Variants in TEX14 observed in about 807,000 individuals in gnomAD.
TEX14 encodes inactive serine/threonine-protein kinase TEX14.
Under a neutral mutation model 178.6 loss-of-function variants are expected in TEX14, and 168 were observed. That is an observed-to-expected ratio of 0.94 (90% CI 0.83 to 1.07). The LOEUF is 1.07. Among genes scored for constraint, TEX14 ranks in the 50% least tolerant of loss-of-function variants. The pLI, the probability that TEX14 is intolerant of heterozygous loss-of-function variation, is 0.00. For missense variants in TEX14, 1,730 were observed against 1,753.6 expected (o/e 0.99, Z 0.24); for synonymous variants, 626 against 634.1 (o/e 0.99, Z 0.19).
At chr17:58,576,942 G>A (rs1052941176) in intron 21 of TEX14, among the ~76,000 whole-genome samples, 2 of 152,180 alleles carry the variant, frequency 1.3e-5, no homozygotes, top group African/African-American at 2.4e-5. Context: ...AAGGACATCC[G>A]GGTTTCCAGT....
chr17:58,671,601 A>C (rs1409340840), intron 1 of TEX14, among the ~76,000 whole-genome samples: 1 of 152,138 alleles, frequency 6.6e-6, no homozygotes, highest in South Asian at 2.1e-4. Flanking sequence ...ATTAAAAGCC[A>C]GCCCCAGAGC....
intron 5 of TEX14, among the ~76,000 whole-genome samples, chr17:58,620,545 G>A (rs2045974408): frequency 6.6e-6 from 1 of 151,992 alleles, no homozygotes. Context: ...CCAGGCTGGA[G>A]TGCAGTGGTG....
chr17:58,586,083 C>T lies in TEX14; in HGVS notation c.2789-1G>A. The T allele has an allele frequency of 1.2e-6, 2 of 1,611,796 alleles. No individual in the cohort carries two copies. Among genetic ancestry groups the T allele is most frequent in the Non-Finnish European group, 1.7e-6 (2 of 1,178,376 alleles). ...TTCTTTGCCATTTCTTTCACCTCCA[C>T]TGTGCATAAGAGAAAGCAGCATTTA... On this transcript the variant is annotated splice_acceptor_variant, in intron 17 of 31. Coordinates refer to ENST00000349033, the MANE Select transcript of TEX14 (RefSeq NM_031272.5). LOFTEE classifies it high-confidence loss of function.
intron 3 of TEX14, among the ~76,000 whole-genome samples, chr17:58,627,913 C>CT (rs1172697593): frequency 0.48 from 36,016 of 75,792 alleles, 7,961 homozygotes; most frequent in Non-Finnish European, 0.52. Flanking sequence ...CCCATGCCAC[C>CT]TTTTTTTTTT....
chr17:58,631,855 T>G (rs2046324268), intron 2 of TEX14: 2 of 152,352 alleles, frequency 1.3e-5, no homozygotes, highest in Middle Eastern at 3.4e-3. Flanking sequence ...TTTATGTGCC[T>G]TCCACATGCG....
At chr17:58,601,532 A>G (rs1222316252) in intron 13 of TEX14, among the ~76,000 whole-genome samples, 1 of 151,608 alleles carries the variant, frequency 6.6e-6, no homozygotes, top group Non-Finnish European at 1.5e-5. Context: ...AAAAAAAAAA[A>G]AAAAGAAAAA....
chr17:58,654,532 A>C (rs1301954727), intron 1 of TEX14, among the ~76,000 whole-genome samples: 2 of 143,714 alleles, frequency 1.4e-5, no homozygotes, highest in African/African-American at 5.1e-5. Context: ...TTGGAGACAG[A>C]GTCTTGCTTT....
chr17:58,649,278 C>T (rs2046790221), intron 2 of TEX14, among the ~76,000 whole-genome samples: 1 of 151,524 alleles, frequency 6.6e-6, no homozygotes, highest in Admixed American at 6.6e-5. Flanking sequence ...CTGGGTTTCA[C>T]CATGTTGGCC....
chr17:58,635,841 G>A (rs2046423487), intron 2 of TEX14, among the ~76,000 whole-genome samples: 1 of 152,002 alleles, frequency 6.6e-6, no homozygotes, highest in Non-Finnish European at 1.5e-5. Flanking sequence ...CCTCCAGCGG[G>A]TTCAAGCGAT....
chr17:58,558,148 T>C (rs2044188850), intron 30 of TEX14, among the ~76,000 whole-genome samples: 2 of 152,224 alleles, frequency 1.3e-5, no homozygotes, highest in African/African-American at 4.8e-5. Context: ...TTCTGGGCCC[T>C]GTGCAGTCAG....
Position 58,660,568 on chromosome 17 carries a change from G to A in TEX14, c.-1-8566C>T, listed in dbSNP as rs369277792. The A allele has an allele frequency of 1.3e-4, 99 of 787,270 alleles. 1 individual carries two copies. The African/African-American group carries it at 1.5e-3, about 12-fold the overall frequency. 48.8% of individuals were successfully genotyped at this position (787,270 alleles called of 1,614,324 possible). On this transcript the variant is annotated intron_variant, in intron 1 of 31. Coordinates refer to ENST00000349033, the MANE Select transcript of TEX14 (RefSeq NM_031272.5). ...GTGCACCCTGCAGTCCTGCGGTGTT[G>A]TGGGAAGATTAGCCCATGTTCTGTC... is the stretch of plus-strand genomic sequence containing the variant.
chr17:58,597,956 C>T (rs2045329384), intron 14 of TEX14, among the ~76,000 whole-genome samples: 1 of 152,026 alleles, frequency 6.6e-6, no homozygotes, highest in Admixed American at 6.6e-5. Context: ...CCACCAGGTC[C>T]CTCAGTCCCC....
Position 58,660,580 on chromosome 17 carries a change from G to C in TEX14, c.-1-8578C>G, listed in dbSNP as rs761634619. On this transcript the variant is annotated intron_variant, in intron 1 of 31. Transcript: ENST00000349033. Reference sequence around the variant, plus strand: ...GTCCTGCGGTGTTGTGGGAAGATTAGCCCATGTTCTGTCGGTTGCCGTAGC... The same window carrying C: ...GTCCTGCGGTGTTGTGGGAAGATTACCCCATGTTCTGTCGGTTGCCGTAGC... 1.5e-5 allele frequency: 12 copies of C among 794,864 alleles called. No individual in the cohort carries two copies. In the African/African-American group the frequency reaches 2.0e-4, roughly 13 times the overall value. 49.2% of individuals were successfully genotyped at this position (794,864 alleles called of 1,614,324 possible). A position where few individuals can be genotyped will look rare whatever the true frequency, so the allele number is the denominator to read the frequency against.
intron 29 of TEX14, 102 bp downstream of exon 29, chr17:58,561,418 T>C: frequency 1.2e-6 from 1 of 817,398 alleles, no homozygotes; most frequent in Non-Finnish European, 2.1e-6. Context: ...CTTATCTAAA[T>C]CAATGTAATG....
intron 9 of TEX14, among the ~76,000 whole-genome samples, chr17:58,612,735 CAAA>C (rs35618114): frequency 0.022 from 2,160 of 97,054 alleles, 44 homozygotes; most frequent in African/African-American, 0.081. Flanking sequence ...ACTCTTGTCT[CAAA>C]AAAAAAAAAA....
At chr17:58,565,624 TAA>T in intron 27 of TEX14, 121 bp downstream of exon 27, 1 of 655,120 alleles carries the variant, frequency 1.5e-6, no homozygotes. Flanking sequence ...CAAATAACTA[TAA>T]AGTCAGACTT....
chr17:58,563,618 AATTTATATATATATAT>A lies in TEX14; in HGVS notation c.4064+1235_4064+1250del, dbSNP rs1437276210. On this transcript the variant is annotated intron_variant, in intron 28 of 31. Transcript: ENST00000349033. ...CCTGGGCAACATAAAGCCCATCTCT[AATTTATATATATATAT>A]ATATATATATATATATATATATATA... Among the ~76,000 whole-genome samples, 180 of 53,428 alleles carry A rather than the reference AATTTATATATATATAT, an allele frequency of 3.4e-3. 1 individual carries two copies. Among genetic ancestry groups the A allele is most frequent in the African/African-American group, 0.013 (136 of 10,754 alleles). The allele number at this position is 53,428 out of a possible 152,430, so 35.1% of individuals were successfully genotyped here.
intron 1 of TEX14, chr17:58,675,484 T>C (rs2047380740): frequency 6.5e-6 from 1 of 152,824 alleles, no homozygotes; most frequent in South Asian, 2.0e-4. Context: ...GTGTCATCTT[T>C]TGTTTTATAA....
chr17:58,601,743 GCT>G lies in TEX14; in HGVS notation c.1678+61_1678+62del, dbSNP rs2045452137. 6.7e-5 allele frequency: 98 copies of G among 1,465,700 alleles called. 1 individual carries two copies. In the Middle Eastern group the frequency reaches 7.3e-4, roughly 11 times the overall value. 90.8% of individuals were successfully genotyped at this position (1,465,700 alleles called of 1,614,324 possible). ...AGTTTAGAGGAGTCAATTAGTTGCA[GCT>G]CATGTGACTCTCAGAACACATTTGT... is the stretch of plus-strand genomic sequence containing the variant. On this transcript the variant is annotated intron_variant, in intron 13 of 31. Coordinates refer to ENST00000349033, the MANE Select transcript of TEX14 (RefSeq NM_031272.5).
Sources: gnomAD v4.1 joint callset for allele counts (sites outside exome capture counted in the v4.1 genomes callset) on GRCh38, gnomAD v4.1.1 for gene constraint, MANE v1.5 for transcripts, NCBI Gene and HGNC (gene_info 2026-07-23, HGNC 2026-07-21) for gene names.